The following CLDN10 variants were observed in gnomAD, a reference collection of about 807,000 sequenced individuals.
CLDN10 encodes claudin-10.
In CLDN10, 15 loss-of-function variants were observed where a neutral mutation model predicts 22.9. That is an observed-to-expected ratio of 0.65 (90% CI 0.44 to 1.01). CLDN10 has a LOEUF of 1.01. CLDN10 is among the 50% of genes least tolerant of loss of function. CLDN10 has a pLI of 0.00. For synonymous variants in CLDN10, 114 were observed against 111.4 expected, an observed-to-expected ratio of 1.02 and a Z score of -0.15; for missense variants, 247 against 287.8, an observed-to-expected ratio of 0.86 and a Z score of 1.03.
intron 3 of CLDN10, among the ~76,000 whole-genome samples, chr13:95,564,605 C>T (rs934906992): frequency 4.6e-5 from 7 of 152,232 alleles, no homozygotes; most frequent in East Asian, 3.9e-4. Flanking sequence ...ATTTGTATGC[C>T]GTGTTAATTG....
intron 1 of CLDN10, among the ~76,000 whole-genome samples, chr13:95,496,168 A>G (rs1161916822): frequency 1.3e-5 from 2 of 152,160 alleles, no homozygotes; most frequent in Non-Finnish European, 2.9e-5. Flanking sequence ...ACCCTCGCCT[A>G]TACAACTTTA....
chr13:95,524,572 G>A (rs2043259057), intron 1 of CLDN10, among the ~76,000 whole-genome samples: 1 of 152,094 alleles, frequency 6.6e-6, no homozygotes, highest in Non-Finnish European at 1.5e-5. Flanking sequence ...AGAAATTTAG[G>A]TTATTTCCAC....
chr13:95,562,728 AT>A (rs2043731362), intron 3 of CLDN10, among the ~76,000 whole-genome samples: 1 of 152,198 alleles, frequency 6.6e-6, no homozygotes, highest in Non-Finnish European at 1.5e-5. Flanking sequence ...TATTAAACAC[AT>A]TTCTCACTCT....
At chr13:95,493,350 A>ATAAT (rs1299618888) in intron 1 of CLDN10, among the ~76,000 whole-genome samples, 3 of 152,008 alleles carry the variant, frequency 2.0e-5, no homozygotes, top group Non-Finnish European at 4.4e-5. Flanking sequence ...GTTTAAGTAT[A>ATAAT]CAGTTCAGTG....
chr13:95,552,438 C>T (rs2043576110), upstream of CLDN10, among the ~76,000 whole-genome samples: 1 of 152,248 alleles, frequency 6.6e-6, no homozygotes, highest in African/African-American at 2.4e-5. Context: ...GAACCTGAGC[C>T]GCTCCAACAA....
chr13:95,550,820 CTTTTTTTT>C (rs56225257), upstream of CLDN10, among the ~76,000 whole-genome samples: 29 of 85,546 alleles, frequency 3.4e-4, no homozygotes, highest in African/African-American at 1.2e-3. Flanking sequence ...TAGGAAGATA[CTTTTTTTT>C]TTTTTTTTTT....
intron 1 of CLDN10, among the ~76,000 whole-genome samples, chr13:95,521,639 T>C (rs1221329888): frequency 6.6e-6 from 1 of 152,132 alleles, no homozygotes; most frequent in East Asian, 1.9e-4. Flanking sequence ...CACACTGTAA[T>C]TTTCCTTTCT....
At chr13:95,496,164 G>A (rs1420290968) in intron 1 of CLDN10, among the ~76,000 whole-genome samples, 2 of 151,940 alleles carry the variant, frequency 1.3e-5, no homozygotes, top group Non-Finnish European at 1.5e-5. Flanking sequence ...CCAAACCCTC[G>A]CCTATACAAC....
At chr13:95,466,092 T>C (rs988326732) in intron 1 of CLDN10, among the ~76,000 whole-genome samples, 3 of 151,780 alleles carry the variant, frequency 2.0e-5, no homozygotes, top group Non-Finnish European at 4.4e-5. Context: ...TTACCACTAT[T>C]TATTTACTTT....
intron 1 of CLDN10, among the ~76,000 whole-genome samples, chr13:95,492,640 G>T (rs2042885705): frequency 6.6e-6 from 1 of 152,154 alleles, no homozygotes; most frequent in Non-Finnish European, 1.5e-5. Flanking sequence ...TGCATGTGAA[G>T]TCTGCACACC....
At chr13:95,569,748 C>T (rs2043831117) in intron 3 of CLDN10, among the ~76,000 whole-genome samples, 1 of 152,082 alleles carries the variant, frequency 6.6e-6, no homozygotes, top group Non-Finnish European at 1.5e-5. Flanking sequence ...AGGTAGGTTA[C>T]TTGAAGACTG....
chr13:95,434,539 G>GTGTGTATATATATATGCACACA, intron 1 of CLDN10, among the ~76,000 whole-genome samples: 1 of 33,074 alleles, frequency 3.0e-5, no homozygotes. Flanking sequence ...ATATGCACAC[G>GTGTGTATATATATATGCACACA]TGTGTATATA....
chr13:95,447,907 C>T (rs1353777140), intron 1 of CLDN10, among the ~76,000 whole-genome samples: 2 of 152,068 alleles, frequency 1.3e-5, no homozygotes, highest in East Asian at 3.9e-4. Context: ...TCTTCCCCTC[C>T]CACCTGCAGC....
At chr13:95,565,190 T>C (rs2043769154) in intron 3 of CLDN10, among the ~76,000 whole-genome samples, 2 of 152,174 alleles carry the variant, frequency 1.3e-5, no homozygotes, top group African/African-American at 4.8e-5. Context: ...TGATTCACCA[T>C]ACCAGGATGT....
intron 3 of CLDN10, among the ~76,000 whole-genome samples, chr13:95,567,243 C>A (rs1007953256): frequency 6.6e-6 from 1 of 152,180 alleles, no homozygotes; most frequent in African/African-American, 2.4e-5. Context: ...TTGATTCTTC[C>A]TATCCATGAG....
intron 1 of CLDN10, among the ~76,000 whole-genome samples, chr13:95,555,293 C>T (rs1305152811): frequency 6.6e-6 from 1 of 152,240 alleles, no homozygotes; most frequent in Admixed American, 6.5e-5. Context: ...GGTCATCCAC[C>T]CTCCTCGGCC....
chr13:95,529,888 T>A (rs1054157805), intron 1 of CLDN10, among the ~76,000 whole-genome samples: 1 of 152,220 alleles, frequency 6.6e-6, no homozygotes. Flanking sequence ...TACTGCTTTT[T>A]AATAATTCTG....
At chr13:95,448,483 A>G (rs545412258) in intron 1 of CLDN10, among the ~76,000 whole-genome samples, 2 of 152,282 alleles carry the variant, frequency 1.3e-5, no homozygotes, top group South Asian at 4.1e-4. Context: ...TAGTCATCGG[A>G]GGGAAAGAAA....
At chr13:95,445,277 G>A (rs1024912207) in intron 1 of CLDN10, among the ~76,000 whole-genome samples, 37 of 152,202 alleles carry the variant, frequency 2.4e-4, no homozygotes, top group African/African-American at 8.9e-4. Context: ...GCACAGAGCG[G>A]GGGAGAATAT....
Sources: gnomAD v4.1 joint callset for allele counts (sites outside exome capture counted in the v4.1 genomes callset) on GRCh38, gnomAD v4.1.1 for gene constraint, MANE v1.5 for transcripts, NCBI Gene and HGNC (gene_info 2026-07-23, HGNC 2026-07-21) for gene names.